ST18: variants seen among roughly 807,000 people sequenced by gnomAD.
ST18 encodes the protein ST18 C2H2C-type zinc finger transcription factor.
A neutral mutation model predicts 110.0 loss-of-function variants in ST18; 50 were observed. The ratio of observed to expected loss-of-function variants is 0.45; its 90% CI spans 0.36 to 0.58. The LOEUF is 0.58. Among genes scored for constraint, ST18 ranks in the 20% least tolerant of loss-of-function variants. The probability of loss-of-function intolerance (pLI) is 0.00; values close to 1 mark genes in which losing one functional copy is unlikely to be tolerated. For missense variants in ST18, 1,306 were observed against 1,280.1 expected, an observed-to-expected ratio of 1.02 and a Z score of -0.31; for synonymous variants, 461 against 452.4, an observed-to-expected ratio of 1.02 and a Z score of -0.24.
intron 2 of ST18, among the ~76,000 whole-genome samples, chr8:52,374,603 A>G (rs7463568): frequency 0.99 from 149,981 of 152,134 alleles, 73,960 homozygotes; most frequent in Middle Eastern, 1. Flanking sequence ...TGTGTGCCAC[A>G]GTGGTTTGCT....
intron 2 of ST18, chr8:52,409,101 T>C (rs1227511795): frequency 6.6e-6 from 1 of 152,238 alleles, no homozygotes; most frequent in Non-Finnish European, 1.5e-5. Flanking sequence ...CTGGTGAACA[T>C]GTCTTCGACT....
At chr8:52,271,079 T>C (rs1332183109) in intron 2 of ST18, among the ~76,000 whole-genome samples, 1 of 152,118 alleles carries the variant, frequency 6.6e-6, no homozygotes, top group Non-Finnish European at 1.5e-5. Flanking sequence ...TTTGTATTTT[T>C]AGTAGAGATG....
intron 2 of ST18, among the ~76,000 whole-genome samples, chr8:52,374,173 G>A (rs996511668): frequency 6.6e-6 from 1 of 152,122 alleles, no homozygotes; most frequent in Non-Finnish European, 1.5e-5. Flanking sequence ...TTGGAAATAG[G>A]GTCTTTGCAG....
intron 8 of ST18, among the ~76,000 whole-genome samples, chr8:52,183,390 T>TC (rs2070683808): frequency 6.6e-6 from 1 of 152,188 alleles, no homozygotes; most frequent in African/African-American, 2.4e-5. Context: ...AGTTGAAGAC[T>TC]ATAAAAATAA....
At position 52,172,473 on chromosome 8, in the gene ST18, A is replaced by G; in HGVS notation, c.388T>C (p.Leu130=). Residue 130 remains leucine, a synonymous_variant, in exon 10 of 26, where the codon TTA becomes CTA. Coordinates refer to ENST00000689386, the MANE Select transcript of ST18 (RefSeq NM_001352837.2). ...TTTTCAAATTTCCCCAAGTGCATTAAAGACTTGACCATGAGCTCTTGATAA... is the reference window on the plus strand; with the variant it reads ...TTTTCAAATTTCCCCAAGTGCATTAGAGACTTGACCATGAGCTCTTGATAA... The part of the protein sequence containing the change: ...SCYQELMVKS[L]MHLGKFEKNV... The G allele has an allele frequency of 6.2e-7, 1 of 1,613,780 alleles. No homozygotes were observed. Among genetic ancestry groups the G allele is most frequent in the Non-Finnish European group, 8.5e-7 (1 of 1,180,016 alleles).
intron 2 of ST18, among the ~76,000 whole-genome samples, chr8:52,309,347 C>G (rs1485415309): frequency 6.6e-6 from 1 of 151,918 alleles, no homozygotes; most frequent in East Asian, 1.9e-4. Flanking sequence ...ATGGTGAAAC[C>G]ACGTCTCTAC....
At position 52,336,922 on chromosome 8, in the gene ST18, A is replaced by C. The variant is rs118064618; in HGVS notation, c.-465+72406T>G. ...ATGCCCCTTCTGTAGTTTCTGTCAC[A>C]ATCCTTAGTCATTCATAAAATATTT... On this transcript the variant is annotated intron_variant, in intron 2 of 25. Coordinates refer to ENST00000689386, the MANE Select transcript of ST18 (RefSeq NM_001352837.2). Among the ~76,000 whole-genome samples the C allele has an allele frequency of 8.2e-3, 1,244 of 152,334 alleles. 12 individuals carry two copies. The highest frequency in any genetic ancestry group is 0.012 in the Non-Finnish European group (831 of 68,034).
chr8:52,285,841 C>A (rs1196314273), intron 2 of ST18, among the ~76,000 whole-genome samples: 1 of 152,152 alleles, frequency 6.6e-6, no homozygotes, highest in Admixed American at 6.5e-5. Flanking sequence ...AATCAAAATG[C>A]CACTTTTGAG....
intron 2 of ST18, among the ~76,000 whole-genome samples, chr8:52,392,961 G>C (rs965066901): frequency 6.6e-6 from 1 of 152,308 alleles, no homozygotes; most frequent in East Asian, 1.9e-4. Flanking sequence ...TGTGTAAAGG[G>C]AGTAGCCTCT....
chr8:52,123,824 T>C (rs2045955523), intron 23 of ST18, among the ~76,000 whole-genome samples: 1 of 152,238 alleles, frequency 6.6e-6, no homozygotes, highest in African/African-American at 2.4e-5. Context: ...AGCTCTATCA[T>C]AATTTGATGT....
intron 2 of ST18, among the ~76,000 whole-genome samples, chr8:52,364,635 G>A (rs1827107117): frequency 6.6e-6 from 1 of 152,152 alleles, no homozygotes; most frequent in Non-Finnish European, 1.5e-5. Context: ...TTCACTAAAT[G>A]GAGAGGTATC....
At chr8:52,163,794 A>G (rs1324569341) in intron 13 of ST18, among the ~76,000 whole-genome samples, 192 bp downstream of exon 13, 1 of 152,162 alleles carries the variant, frequency 6.6e-6, no homozygotes, top group East Asian at 1.9e-4. Flanking sequence ...TGGAGAGTTT[A>G]GTAGTTCATT....
At chr8:52,366,822 T>A (rs1449804017) in intron 2 of ST18, among the ~76,000 whole-genome samples, 2 of 152,218 alleles carry the variant, frequency 1.3e-5, no homozygotes, top group African/African-American at 2.4e-5. Context: ...ACCCCATGAG[T>A]TCAGGGACTG....
intron 2 of ST18, among the ~76,000 whole-genome samples, chr8:52,300,480 G>T (rs1217058520): frequency 6.6e-6 from 1 of 152,178 alleles, no homozygotes; most frequent in Non-Finnish European, 1.5e-5. Context: ...GGTTCACTCT[G>T]TGTTTTCGTT....
At chr8:52,342,116 G>A (rs1383364266) in intron 2 of ST18, among the ~76,000 whole-genome samples, 1 of 152,132 alleles carries the variant, frequency 6.6e-6, no homozygotes, top group African/African-American at 2.4e-5. Context: ...CAAAACAAAT[G>A]ATAAATATGT....
chr8:52,231,874 G>C (rs552126925), intron 2 of ST18, among the ~76,000 whole-genome samples: 1 of 152,316 alleles, frequency 6.6e-6, no homozygotes, highest in African/African-American at 2.4e-5. Context: ...GAACAGCAAA[G>C]TGTCAGAGCA....
At chr8:52,199,110 C>G (rs918397388) in intron 8 of ST18, 1 of 123,306 alleles carries the variant, frequency 8.1e-6, no homozygotes, top group Non-Finnish European at 1.6e-5. Context: ...CATTACATAA[C>G]CTTTTTTTTT....
chr8:52,115,877 G>A (rs915174177), intron 25 of ST18, among the ~76,000 whole-genome samples: 8 of 151,974 alleles, frequency 5.3e-5, no homozygotes, highest in Non-Finnish European at 1.2e-4. Flanking sequence ...ATTGGGAATT[G>A]AACATTTTTG....
chr8:52,332,171 A>T (rs1809805979), intron 2 of ST18, among the ~76,000 whole-genome samples: 1 of 152,176 alleles, frequency 6.6e-6, no homozygotes, highest in Non-Finnish European at 1.5e-5. Flanking sequence ...TAAATATTAT[A>T]CTAAACAACC....
Sources: allele counts gnomAD v4.1 joint callset (sites outside exome capture counted in the v4.1 genomes callset), GRCh38; gene constraint gnomAD v4.1.1; transcripts MANE v1.5; gene names NCBI Gene and HGNC (gene_info 2026-07-23, HGNC 2026-07-21).